Variants in TTLL11 observed in about 807,000 individuals in gnomAD.
TTLL11 encodes tubulin tyrosine ligase like 11.
Under a neutral mutation model 51.7 loss-of-function variants are expected in TTLL11, and 42 were observed. The observed-to-expected ratio is 0.81, with a 90% CI of 0.64 to 1.05. The LOEUF is 1.05. Among genes scored for constraint, TTLL11 ranks in the 50% least tolerant of loss-of-function variants. TTLL11 has a pLI of 0.00. For synonymous variants in TTLL11, 381 were observed against 383.5 expected (o/e 0.99, Z 0.08); for missense variants, 799 against 940.4 (o/e 0.85, Z 1.97).
rs753722563 is a variant in TTLL11 at position 121,989,268 on chromosome 9, G to A, written c.1196C>T (p.Ala399Val). Reference protein sequence around the residue: ...IISVVIKTVIALTPELKVFYQ... With the variant: ...IISVVIKTVIVLTPELKVFYQ... ...GAAGACTTTGAGCTCTGGAGTCAGC[G>A]CGATGACCGTCTTAATCACCACGGA... is the stretch of plus-strand genomic sequence containing the variant. Residue 399 changes from alanine (A) to valine (V), a missense_variant, in exon 4 of 9, where the codon GCG (alanine) becomes GTG (valine). This residue lies in a region of TTLL11 where 468 missense variants were observed against 612.8 expected (regional missense o/e 0.76). Coordinates refer to ENST00000321582, the MANE Select transcript of TTLL11 (RefSeq NM_001139442.2). This position sits in a 1 kb window ranked among gnomAD's most constrained non-coding sequence, Gnocchi z 4.2. 15 of 1,614,050 alleles carry A rather than the reference G, an allele frequency of 9.3e-6. No individual in the cohort carries two copies. Among genetic ancestry groups the A allele is most frequent in the African/African-American group, 5.3e-5 (4 of 74,932 alleles).
At chr9:121,988,787 G>A (rs1029914456) in intron 4 of TTLL11, 1 of 249,612 alleles carries the variant, frequency 4.0e-6, no homozygotes, top group Admixed American at 4.9e-5. Context: ...AGCAAGCAAG[G>A]CCCTGACTTG....
At chr9:121,823,860 G>A (rs1045562149) in intron 8 of TTLL11, among the ~76,000 whole-genome samples, 5 of 152,138 alleles carry the variant, frequency 3.3e-5, no homozygotes, top group Non-Finnish European at 5.9e-5. Flanking sequence ...TCTTATAAGC[G>A]TCTACTTATC....
rs578239581 is a variant in TTLL11, at chr9:121,948,222, G to C, written c.1481+25787C>G. Among the ~76,000 whole-genome samples the C allele has an allele frequency of 2.6e-5, 4 of 152,136 alleles. No homozygotes were observed. In the East Asian group the frequency reaches 7.7e-4, roughly 29 times the overall value. ...AAGCATTTCCTAAGTTAACACAACCGGAACATGGCAGGCAGGACCAGAACC... is the reference window on the plus strand; with the variant it reads ...AAGCATTTCCTAAGTTAACACAACCCGAACATGGCAGGCAGGACCAGAACC... On this transcript the variant is annotated intron_variant, in intron 6 of 8. Transcript: ENST00000321582.
chr9:121,955,160 A>C (rs911510801), intron 6 of TTLL11, among the ~76,000 whole-genome samples: 1 of 152,232 alleles, frequency 6.6e-6, no homozygotes. Context: ...ATCTTAATTA[A>C]ACTATTTAAT....
chr9:121,950,893 C>T (rs1360221723), intron 6 of TTLL11, among the ~76,000 whole-genome samples: 5 of 152,124 alleles, frequency 3.3e-5, no homozygotes, highest in African/African-American at 4.8e-5. Flanking sequence ...TATAGGGTTA[C>T]GGTAAAAATT....
intron 8 of TTLL11, among the ~76,000 whole-genome samples, chr9:121,846,115 C>T (rs145687574): frequency 1.0e-3 from 153 of 152,146 alleles, no homozygotes; most frequent in Middle Eastern, 3.4e-3. Flanking sequence ...ATAACCCTAA[C>T]TAAAAGAAAG....
At chr9:122,060,458 A>G (rs1191801099) in intron 1 of TTLL11, among the ~76,000 whole-genome samples, 4 of 152,216 alleles carry the variant, frequency 2.6e-5, no homozygotes, top group African/African-American at 9.6e-5. Context: ...GCTCCCTGCC[A>G]TGCTGGTAGA....
chr9:122,085,262 A>T (rs1484723695), intron 1 of TTLL11, among the ~76,000 whole-genome samples: 1 of 152,230 alleles, frequency 6.6e-6, no homozygotes, highest in East Asian at 1.9e-4. Context: ...TCCATTTCAA[A>T]TAAACAAACA....
chr9:121,826,949 G>T (rs968944618), intron 8 of TTLL11, among the ~76,000 whole-genome samples: 6 of 152,020 alleles, frequency 3.9e-5, no homozygotes, highest in Admixed American at 3.9e-4. Context: ...CTGGGGAAGA[G>T]GCCAAAGGGA....
intron 1 of TTLL11, among the ~76,000 whole-genome samples, chr9:122,072,722 GC>G (rs1490227889): frequency 1.3e-5 from 2 of 152,070 alleles, no homozygotes; most frequent in Non-Finnish European, 2.9e-5. Flanking sequence ...CTGAGCCCCT[GC>G]CCCCTGCTAC....
intron 8 of TTLL11, among the ~76,000 whole-genome samples, chr9:121,826,201 T>TACAC (rs1836753932): frequency 8.9e-6 from 1 of 112,002 alleles, no homozygotes; most frequent in Non-Finnish European, 1.8e-5. Flanking sequence ...TATATATATA[T>TACAC]ATATATATAT....
chr9:122,018,826 G>A (rs911528491), intron 3 of TTLL11, among the ~76,000 whole-genome samples: 6 of 152,186 alleles, frequency 3.9e-5, no homozygotes, highest in African/African-American at 1.4e-4. Flanking sequence ...AATCAAATGG[G>A]CTTTGAAACT....
At chr9:121,838,169 T>C (rs1837233353) in intron 8 of TTLL11, among the ~76,000 whole-genome samples, 1 of 152,168 alleles carries the variant, frequency 6.6e-6, no homozygotes, top group African/African-American at 2.4e-5. Context: ...CAATTCTGTT[T>C]TTCCTTGAGT....
intron 6 of TTLL11, among the ~76,000 whole-genome samples, chr9:121,904,230 G>T (rs1216197090): frequency 6.8e-6 from 1 of 147,990 alleles, no homozygotes; most frequent in Non-Finnish European, 1.5e-5. Flanking sequence ...AGGCTGGCAT[G>T]CAGTGGCACG....
chr9:122,031,958 T>C, intron 2 of TTLL11, 102 bp from the exon 3 acceptor site: 1 of 1,459,416 alleles, frequency 6.9e-7, no homozygotes, highest in Non-Finnish European at 9.2e-7. Context: ...ACATATTCTC[T>C]TTTTCAGGCA....
chr9:121,990,016 C>A (rs1564344760), intron 3 of TTLL11, among the ~76,000 whole-genome samples: 1 of 152,204 alleles, frequency 6.6e-6, no homozygotes, highest in Non-Finnish European at 1.5e-5. Flanking sequence ...GTCACAAGAC[C>A]TGGGTTCAAA....
At chr9:121,838,816 G>T (rs565344351) in intron 8 of TTLL11, among the ~76,000 whole-genome samples, 10 of 148,182 alleles carry the variant, frequency 6.7e-5, no homozygotes, top group African/African-American at 2.6e-4. Context: ...AAGCAAGCAA[G>T]CAAGCAAGCA....
intron 1 of TTLL11, 148 bp from the exon 2 acceptor site, chr9:122,039,516 C>A: frequency 1.7e-6 from 1 of 592,432 alleles, no homozygotes; most frequent in Non-Finnish European, 3.0e-6. Flanking sequence ...ATATTCTTTG[C>A]CATTTTACAG....
chr9:121,871,443 T>A (rs916698556), intron 6 of TTLL11, among the ~76,000 whole-genome samples: 2 of 152,092 alleles, frequency 1.3e-5, no homozygotes, highest in African/African-American at 4.8e-5. Context: ...GTCACAACCA[T>A]CTGCCAGTTA....
Sources: allele counts gnomAD v4.1 joint callset (sites outside exome capture counted in the v4.1 genomes callset), GRCh38; gene constraint gnomAD v4.1.1; regional missense constraint gnomAD v4.1.1; non-coding constraint Gnocchi (gnomAD v3.1); transcripts MANE v1.5; gene names NCBI Gene and HGNC (gene_info 2026-07-23, HGNC 2026-07-21).